The following SLC8B1 variants were observed in gnomAD, a reference collection of about 807,000 sequenced individuals.
SLC8B1 encodes mitochondrial sodium/calcium exchanger protein.
In SLC8B1, 52 loss-of-function variants were observed where a neutral mutation model predicts 63.4. That is an observed-to-expected ratio of 0.82 (90% CI 0.66 to 1.03). SLC8B1 has a LOEUF of 1.03. Among genes scored for constraint, SLC8B1 ranks in the 50% least tolerant of loss-of-function variants. The probability of loss-of-function intolerance (pLI) is 0.00; values close to 1 mark genes in which losing one functional copy is unlikely to be tolerated. For missense variants in SLC8B1, 657 were observed against 741.7 expected, an observed-to-expected ratio of 0.89 and a Z score of 1.33; for synonymous variants, 336 against 323.9, an observed-to-expected ratio of 1.04 and a Z score of -0.40.
intron 2 of SLC8B1, among the ~76,000 whole-genome samples, chr12:113,328,730 T>A (rs1482803347): frequency 1.3e-5 from 2 of 151,374 alleles, no homozygotes; most frequent in Non-Finnish European, 2.9e-5. Context: ...CCAGCCTAGC[T>A]GGCCCTCCCA....
intron 12 of SLC8B1, 21 bp downstream of exon 12, chr12:113,310,213 C>T (rs776930959): frequency 8.7e-6 from 14 of 1,609,964 alleles, no homozygotes; most frequent in East Asian, 2.2e-5. Context: ...CCCCCCATCT[C>T]GGAGAACCCG....
intron 2 of SLC8B1, among the ~76,000 whole-genome samples, chr12:113,322,530 T>G (rs757709753): frequency 2.6e-5 from 4 of 152,092 alleles, no homozygotes; most frequent in African/African-American, 4.8e-5. Context: ...CAGAGAAGAT[T>G]TGAGAAGAGA....
chr12:113,314,604 T>C (rs990243773), intron 11 of SLC8B1, among the ~76,000 whole-genome samples: 5 of 152,164 alleles, frequency 3.3e-5, no homozygotes, highest in African/African-American at 7.2e-5. Context: ...CCAGGTCACA[T>C]AAACGAGGGA....
chr12:113,311,616 G>A lies in SLC8B1; in HGVS notation c.1136-1261C>T, dbSNP rs558174564. Among the ~76,000 whole-genome samples the A allele has an allele frequency of 8.1e-5, 12 of 148,816 alleles. 1 individual carries two copies. The South Asian group carries it at 2.5e-3, about 32-fold the overall frequency. ...AGCCTGGGCAACAGAGTGAGATCTT[G>A]TCTCAAAAAAAAAAATTATGTGAGT... is the stretch of plus-strand genomic sequence containing the variant. On this transcript the variant is annotated intron_variant, in intron 11 of 15. Transcript: ENST00000680972.
In SLC8B1 at chr12:113,320,641, T is replaced by C. The variant is rs1555275907; in HGVS notation, c.466A>G (p.Ser156Gly). 6.2e-7 allele frequency: 1 copy of C among 1,614,074 alleles called. No homozygotes were observed. The highest frequency in any genetic ancestry group is 8.5e-7 in the Non-Finnish European group (1 of 1,179,998). Residue 156 changes from serine (S) to glycine (G), a missense_variant, in exon 6 of 16, where the codon AGT (serine) becomes GGT (glycine). Coordinates refer to ENST00000680972, the MANE Select transcript of SLC8B1 (RefSeq NM_001358345.2). This position sits in a 1 kb window ranked among gnomAD's most constrained non-coding sequence, Gnocchi z 5.3. ...AFGNGAPDIF[S>G]ALVAFSDPHT... The stretch of plus-strand genomic sequence containing the variant: ...GGGTCAGAGAAGGCCACCAGGGCAC[T>C]GAAGATGTCAGGTGCACCATTCCCA...
intron 12 of SLC8B1, chr12:113,308,804 G>C (rs1956714342): frequency 6.6e-6 from 1 of 152,142 alleles, no homozygotes; most frequent in Non-Finnish European, 1.5e-5. Context: ...GTTTCCAAAA[G>C]TAAAAACTAA....
chr12:113,317,517 AG>A (rs1233298623), intron 8 of SLC8B1, among the ~76,000 whole-genome samples: 1 of 152,228 alleles, frequency 6.6e-6, no homozygotes, highest in East Asian at 1.9e-4. Context: ...TAAAGTTAAT[AG>A]GGGCATCTGA....
At chr12:113,329,096 G>A (rs559203313) in intron 2 of SLC8B1, among the ~76,000 whole-genome samples, 7 of 152,186 alleles carry the variant, frequency 4.6e-5, no homozygotes, top group East Asian at 1.9e-4. Context: ...CTAAAGTCTC[G>A]CACAGTGCCT....
At chr12:113,304,511 C>T (rs755633399) in intron 14 of SLC8B1, 126 bp from the exon 15 acceptor site, 21 of 782,208 alleles carry the variant, frequency 2.7e-5, no homozygotes, top group Non-Finnish European at 3.6e-5. Flanking sequence ...TTGGGCCAGG[C>T]GCAGTGGCTC....
rs767861627 is a variant in SLC8B1 at position 113,320,564 on chromosome 12, ACTGGGG to A, written c.526+11_526+16del. ...TCCTGCTGCTTTCCCCGCCCCCCTCACTGGGGCTGCTCTCACCAAACAGTGCCCCAA... is the reference window on the plus strand; with the variant it reads ...TCCTGCTGCTTTCCCCGCCCCCCTCACTGCTCTCACCAAACAGTGCCCCAA... On this transcript the variant is annotated intron_variant, in intron 6 of 15. Transcript: ENST00000680972. The surrounding 1 kb of genome is among the most constrained non-coding windows in gnomAD (Gnocchi z 5.3). 23 of 1,613,830 alleles carry A rather than the reference ACTGGGG, an allele frequency of 1.4e-5. No individual in the cohort carries two copies. The highest frequency in any genetic ancestry group is 1.9e-5 in the Non-Finnish European group (22 of 1,179,988).
intron 15 of SLC8B1, chr12:113,302,395 T>C: frequency 3.5e-6 from 1 of 284,938 alleles, no homozygotes. Context: ...GATGCCCTGA[T>C]TGCAGGCTTT....
chr12:113,322,393 T>C (rs932155606), intron 2 of SLC8B1, among the ~76,000 whole-genome samples: 5 of 152,174 alleles, frequency 3.3e-5, no homozygotes, highest in Admixed American at 6.5e-5. Flanking sequence ...GAGTATTTCA[T>C]ACTATGGGTG....
chr12:113,317,534 C>G (rs1234055204), intron 8 of SLC8B1, among the ~76,000 whole-genome samples: 1 of 152,216 alleles, frequency 6.6e-6, no homozygotes, highest in African/African-American at 2.4e-5. Context: ...TCTGAAGGCA[C>G]AACTCAAACA....
At chr12:113,332,453 C>A (rs965339626) in intron 2 of SLC8B1, among the ~76,000 whole-genome samples, 1 of 152,070 alleles carries the variant, frequency 6.6e-6, no homozygotes, top group African/African-American at 2.4e-5. Flanking sequence ...TTAGTAGATA[C>A]GGGGTTTTGA....
At chr12:113,304,473 G>C in intron 14 of SLC8B1, 88 bp from the exon 15 acceptor site, 2 of 1,225,388 alleles carry the variant, frequency 1.6e-6, no homozygotes, top group Non-Finnish European at 2.4e-6. Flanking sequence ...TCATCCCCAG[G>C]GCTTGGGATG....
rs1179552475 is a variant in SLC8B1 at position 113,332,712 on chromosome 12, G to A, written c.156+11C>T. ...CCCCACTCAACCCCAGGTTCCTACC[G>A]GGATACTCACGTCTACCACGGGGGT... On this transcript the variant is annotated intron_variant, in intron 2 of 15. Transcript: ENST00000680972. 24 of 1,611,240 alleles carry A rather than the reference G, an allele frequency of 1.5e-5. No homozygotes were observed. The highest frequency in any genetic ancestry group is 1.6e-4 in the Middle Eastern group (1 of 6,068).
In SLC8B1 at chr12:113,319,042, C is replaced by A. The variant is rs576892165; in HGVS notation, c.724G>T (p.Val242Phe). ...ATCCAGGTGCAGAGAATCACAGTGA[C>A]CACATAGAACACATACAAGCCCAGG... ...GYLGLYVFYV[V>F]TVILCTWIYQ... The change falls in exon 8 of 16, where the codon GTC becomes TTC. Residue 242 changes from valine to phenylalanine, a missense_variant. Val to Phe is a conservative substitution (Grantham distance 50). Transcript: ENST00000680972. The A allele has an allele frequency of 1.2e-6, 2 of 1,614,034 alleles. No homozygotes were observed. Among genetic ancestry groups the A allele is most frequent in the South Asian group, 2.2e-5 (2 of 91,084 alleles).
At chr12:113,318,197 A>G (rs1375373567) in intron 8 of SLC8B1, among the ~76,000 whole-genome samples, 7 of 150,504 alleles carry the variant, frequency 4.7e-5, no homozygotes, top group African/African-American at 7.3e-5. Context: ...TTGCACATGT[A>G]TGTGCATGTA....
At chr12:113,309,244 C>T (rs996690715) in intron 12 of SLC8B1, among the ~76,000 whole-genome samples, 3 of 151,576 alleles carry the variant, frequency 2.0e-5, no homozygotes, top group East Asian at 1.9e-4. Flanking sequence ...TCTCATCTCA[C>T]TGCAACCTCT....
Sources: gnomAD v4.1 joint callset for allele counts (sites outside exome capture counted in the v4.1 genomes callset) on GRCh38, gnomAD v4.1.1 for gene constraint, Gnocchi (gnomAD v3.1) non-coding constraint, MANE v1.5 for transcripts, NCBI Gene and HGNC (gene_info 2026-07-23, HGNC 2026-07-21) for gene names.